Variants in SEMA6D observed in about 807,000 individuals in gnomAD.
SEMA6D encodes the protein semaphorin 6D.
SEMA6D carries 35 observed loss-of-function variants against 106.6 expected under a neutral mutation model. That is an observed-to-expected ratio of 0.33 (90% confidence interval 0.25 to 0.44). The LOEUF (loss-of-function observed/expected upper bound fraction) is 0.44, where lower values mean the gene tolerates loss of function less well. Among genes scored for constraint, SEMA6D ranks in the 20% least tolerant of loss-of-function variants. The probability of loss-of-function intolerance (pLI) is 1.00; values close to 1 mark genes in which losing one functional copy is unlikely to be tolerated. For missense variants in SEMA6D, 1,185 were observed against 1,345.9 expected, an observed-to-expected ratio of 0.88 and a Z score of 1.87; for synonymous variants, 499 against 487.7, an observed-to-expected ratio of 1.02 and a Z score of -0.31.
intron 3 of SEMA6D, among the ~76,000 whole-genome samples, chr15:47,506,254 T>C (rs973723678): frequency 6.6e-6 from 1 of 152,300 alleles, no homozygotes; most frequent in East Asian, 1.9e-4. Context: ...CAAAAATGCT[T>C]AGCATCCCAG....
intron 2 of SEMA6D, among the ~76,000 whole-genome samples, chr15:47,444,206 G>T (rs1432132688): frequency 6.6e-6 from 1 of 152,148 alleles, no homozygotes; most frequent in African/African-American, 2.4e-5. Context: ...ATGTGCACAT[G>T]CACATACACA....
intron 2 of SEMA6D, among the ~76,000 whole-genome samples, chr15:47,455,182 A>G (rs1197075251): frequency 1.3e-5 from 2 of 151,798 alleles, no homozygotes; most frequent in Non-Finnish European, 2.9e-5. Context: ...GGAGACCATA[A>G]TTGGAGGAAG....
At position 47,316,102 on chromosome 15, in the gene SEMA6D, C is replaced by CTTTTTTTTTTTTTTTTTT. The variant is rs67090828; in HGVS notation, c.-238-96283_-238-96282insTTTTTTTTTTTTTTTTTT. Among the ~76,000 whole-genome samples the CTTTTTTTTTTTTTTTTTT allele has an allele frequency of 3.3e-4, 27 of 81,456 alleles. 5 individuals are homozygous for CTTTTTTTTTTTTTTTTTT. The highest frequency in any genetic ancestry group is 1.0e-3 in the African/African-American group (16 of 15,586). The allele number at this position is 81,456 out of a possible 152,430, so 53.4% of individuals were successfully genotyped here. Reference sequence around the variant, plus strand: ...TCCCAATCAGTATGCCATTTATTTCCTTTTTTTTGAGACAGAATCTTGTTC... The same window carrying CTTTTTTTTTTTTTTTTTT: ...TCCCAATCAGTATGCCATTTATTTCCTTTTTTTTTTTTTTTTTTTTTTTTTTGAGACAGAATCTTGTTC... On this transcript the variant is annotated intron_variant, in intron 1 of 19. Transcript: ENST00000558014.
intron 1 of SEMA6D, among the ~76,000 whole-genome samples, chr15:47,201,424 C>T (rs1405139652): frequency 6.6e-6 from 1 of 152,116 alleles, no homozygotes; most frequent in African/African-American, 2.4e-5. Context: ...ATATAAAAGA[C>T]ACATTAATAA....
In SEMA6D at chr15:47,597,349, G is replaced by A. The variant is rs140924223; in HGVS notation, c.-86-3516G>A. On this transcript the variant is annotated intron_variant, in intron 3 of 19. Coordinates refer to the SEMA6D transcript ENST00000558014. ...TAAAAACAGAACGACAGTATGGTCC[G>A]GCAATTCCACTACTGGGTAGGTAGT... is the stretch of plus-strand genomic sequence containing the variant. 1.8e-3 allele frequency among the ~76,000 whole-genome samples: 278 copies of A among 152,078 alleles called. 1 individual carries two copies. The highest frequency in any genetic ancestry group is 5.9e-3 in the African/African-American group (246 of 41,524).
chr15:47,438,317 C>G (rs2041784796), intron 2 of SEMA6D, among the ~76,000 whole-genome samples: 1 of 152,114 alleles, frequency 6.6e-6, no homozygotes, highest in South Asian at 2.1e-4. Context: ...CATCGCTCTT[C>G]TTTGTCTCAT....
intron 1 of SEMA6D, chr15:47,396,303 G>GATATATAT (rs34220041): frequency 1.7e-4 from 25 of 150,166 alleles, no homozygotes; most frequent in African/African-American, 6.1e-4. Context: ...TAACAGAATA[G>GATATATAT]ATATATATAT....
At chr15:47,759,973 C>A in intron 2 of SEMA6D, 66 bp downstream of exon 2, 1 of 1,203,444 alleles carries the variant, frequency 8.3e-7, no homozygotes, top group Non-Finnish European at 1.2e-6. Flanking sequence ...ATTCTGTAAG[C>A]ATGTTCATTT....
intron 2 of SEMA6D, among the ~76,000 whole-genome samples, chr15:47,450,879 C>T (rs1214590808): frequency 6.6e-6 from 1 of 152,032 alleles, no homozygotes; most frequent in African/African-American, 2.4e-5. Context: ...GTGTTCTCTC[C>T]ATCTTTTGAA....
chr15:47,766,428 A>G (rs2082343613), intron 15 of SEMA6D, 188 bp from the exon 16 acceptor site: 1 of 640,214 alleles, frequency 1.6e-6, no homozygotes, highest in African/African-American at 1.8e-5. Flanking sequence ...TGTTCTCTTA[A>G]GCATTCTAGT....
intron 4 of SEMA6D, among the ~76,000 whole-genome samples, chr15:47,702,796 A>G (rs1038249886): frequency 3.9e-5 from 6 of 152,304 alleles, no homozygotes; most frequent in East Asian, 1.9e-4. Context: ...TCCAAATATG[A>G]CATTCTGGAA....
intron 1 of SEMA6D, among the ~76,000 whole-genome samples, chr15:47,281,818 G>T (rs1180742736): frequency 1.3e-5 from 2 of 152,014 alleles, no homozygotes; most frequent in African/African-American, 2.4e-5. Flanking sequence ...CAGCATTTTT[G>T]AGATATGCCC....
At chr15:47,392,028 T>C (rs1351783852) in intron 1 of SEMA6D, among the ~76,000 whole-genome samples, 1 of 152,162 alleles carries the variant, frequency 6.6e-6, no homozygotes, top group Non-Finnish European at 1.5e-5. Flanking sequence ...ATCCAGTTTT[T>C]TAAAAAACTG....
intron 1 of SEMA6D, among the ~76,000 whole-genome samples, chr15:47,381,203 G>C (rs997856350): frequency 6.6e-6 from 1 of 152,208 alleles, no homozygotes; most frequent in Non-Finnish European, 1.5e-5. Flanking sequence ...ATGGATTGTG[G>C]TAGATTTACA....
At chr15:47,687,569 G>A (rs1049391859) in intron 4 of SEMA6D, among the ~76,000 whole-genome samples, 3 of 152,148 alleles carry the variant, frequency 2.0e-5, no homozygotes, top group South Asian at 2.1e-4. Context: ...CATATTAAAC[G>A]ATTAGATCTT....
intron 1 of SEMA6D, among the ~76,000 whole-genome samples, chr15:47,238,083 A>G (rs1356429806): frequency 1.3e-5 from 2 of 152,160 alleles, no homozygotes; most frequent in Non-Finnish European, 2.9e-5. Flanking sequence ...TATTTTTGGT[A>G]TATACATGTT....
At chr15:47,587,986 G>T (rs182457964) in intron 3 of SEMA6D, among the ~76,000 whole-genome samples, 2 of 152,252 alleles carry the variant, frequency 1.3e-5, no homozygotes, top group African/African-American at 4.8e-5. Flanking sequence ...GGGAAGTTGC[G>T]TGAGTGCAGC....
intron 1 of SEMA6D, among the ~76,000 whole-genome samples, chr15:47,225,616 C>T (rs570745017): frequency 6.7e-6 from 1 of 149,560 alleles, no homozygotes; most frequent in Non-Finnish European, 1.5e-5. Flanking sequence ...CAACTTCCAC[C>T]TCCCAGGTTC....
intron 1 of SEMA6D, among the ~76,000 whole-genome samples, chr15:47,346,630 T>C (rs17360233): frequency 0.011 from 1,685 of 152,320 alleles, 13 homozygotes; most frequent in Non-Finnish European, 0.014. Flanking sequence ...TGAAATTCTA[T>C]GGTGACATAG....
Sources: gnomAD v4.1 joint callset for allele counts (sites outside exome capture counted in the v4.1 genomes callset) on GRCh38, gnomAD v4.1.1 for gene constraint, MANE v1.5 for transcripts, NCBI Gene and HGNC (gene_info 2026-07-23, HGNC 2026-07-21) for gene names.